CNTNAP2: variants seen among roughly 807,000 people sequenced by gnomAD.
CNTNAP2 encodes contactin-associated protein-like 2.
Under a neutral mutation model 155.2 loss-of-function variants are expected in CNTNAP2, and 98 were observed. The ratio of observed to expected loss-of-function variants is 0.63; its 90% CI spans 0.54 to 0.75. The LOEUF is 0.75. Ranked by LOEUF, CNTNAP2 falls within the 30% of genes least tolerant of loss-of-function variation. CNTNAP2 has a pLI of 0.00. For synonymous variants in CNTNAP2, 651 were observed against 631.2 expected, an observed-to-expected ratio of 1.03 and a Z score of -0.47; for missense variants, 1,727 against 1,688.1, an observed-to-expected ratio of 1.02 and a Z score of -0.40.
chr7:147,393,372 C>G (rs1029663081), intron 9 of CNTNAP2, among the ~76,000 whole-genome samples: 1 of 151,482 alleles, frequency 6.6e-6, no homozygotes, highest in Admixed American at 6.6e-5. Context: ...TTGTAGTAAT[C>G]GGTATTTATG....
chr7:148,127,642 A>C (rs1317252412), intron 16 of CNTNAP2, among the ~76,000 whole-genome samples: 1 of 152,236 alleles, frequency 6.6e-6, no homozygotes, highest in African/African-American at 2.4e-5. Flanking sequence ...TGCAATATAC[A>C]GAAACTGATG....
At chr7:146,475,326 T>G (rs947357918) in intron 1 of CNTNAP2, among the ~76,000 whole-genome samples, 3 of 152,194 alleles carry the variant, frequency 2.0e-5, no homozygotes, top group Middle Eastern at 6.8e-3. Flanking sequence ...AAGATATGAA[T>G]TGGTAGAACA....
At chr7:146,501,051 G>A (rs1027297350) in intron 1 of CNTNAP2, among the ~76,000 whole-genome samples, 1 of 151,196 alleles carries the variant, frequency 6.6e-6, no homozygotes, top group Non-Finnish European at 1.5e-5. Context: ...AACTAATCTT[G>A]CATACTTGAT....
chr7:146,690,242 T>G (rs1800674644), intron 1 of CNTNAP2, among the ~76,000 whole-genome samples: 1 of 152,174 alleles, frequency 6.6e-6, no homozygotes, highest in Non-Finnish European at 1.5e-5. Flanking sequence ...CAAACTTTGC[T>G]GCTAGGCCTT....
chr7:147,532,712 G>T lies in CNTNAP2; in HGVS notation c.1778-29426G>T, dbSNP rs866293982. Among the ~76,000 whole-genome samples the T allele has an allele frequency of 1.2e-4, 18 of 152,316 alleles. No homozygotes were observed. The South Asian group carries it at 2.9e-3, about 25-fold the overall frequency. On this transcript the variant is annotated intron_variant, in intron 11 of 23. Transcript: ENST00000361727. Reference sequence around the variant, plus strand: ...TGACTGAGGAGGCCTCAGAATCATGGTGGAAGGTGAAAGACACTTCTTACG... The same window carrying T: ...TGACTGAGGAGGCCTCAGAATCATGTTGGAAGGTGAAAGACACTTCTTACG...
At chr7:147,123,402 C>T (rs35197113) in intron 6 of CNTNAP2, among the ~76,000 whole-genome samples, 11,017 of 152,290 alleles carry the variant, frequency 0.072, 514 homozygotes, top group Non-Finnish European at 0.11. Context: ...GAGTGTGTGA[C>T]GAAGTCTATG....
chr7:146,941,345 T>C (rs1027605723), intron 3 of CNTNAP2, among the ~76,000 whole-genome samples: 1 of 152,140 alleles, frequency 6.6e-6, no homozygotes, highest in Non-Finnish European at 1.5e-5. Context: ...AAAAGCAACT[T>C]ATCTTTGATC....
intron 13 of CNTNAP2, among the ~76,000 whole-genome samples, chr7:147,663,629 G>T (rs1795650696): frequency 6.6e-6 from 1 of 152,224 alleles, no homozygotes; most frequent in African/African-American, 2.4e-5. Flanking sequence ...ATTGTTTTCA[G>T]TTATGTTTCC....
chr7:146,970,458 A>G (rs1158911311), intron 3 of CNTNAP2, among the ~76,000 whole-genome samples: 3 of 152,206 alleles, frequency 2.0e-5, no homozygotes, highest in African/African-American at 7.2e-5. Flanking sequence ...ATACATGAAA[A>G]AATGCTCACC....
At chr7:146,332,821 T>A (rs969808515) in intron 1 of CNTNAP2, among the ~76,000 whole-genome samples, 1 of 152,114 alleles carries the variant, frequency 6.6e-6, no homozygotes, top group Admixed American at 6.6e-5. Flanking sequence ...GTGAAACATA[T>A]CCCTAACCCA....
intron 10 of CNTNAP2, among the ~76,000 whole-genome samples, chr7:147,454,990 G>A (rs1005319702): frequency 5.3e-5 from 8 of 152,146 alleles, no homozygotes; most frequent in Admixed American, 3.3e-4. Context: ...AAGAGCTGGC[G>A]GTATGCCCCA....
At chr7:147,123,884 A>C (rs929061173) in intron 6 of CNTNAP2, among the ~76,000 whole-genome samples, 1 of 152,066 alleles carries the variant, frequency 6.6e-6, no homozygotes, top group Admixed American at 6.6e-5. Flanking sequence ...TCCACTAAAA[A>C]TACAAAAATT....
chr7:146,340,993 C>CT (rs1416752927), intron 1 of CNTNAP2, among the ~76,000 whole-genome samples: 1 of 152,012 alleles, frequency 6.6e-6, no homozygotes, highest in African/African-American at 2.4e-5. Context: ...ATTGAAATTC[C>CT]TTTTATCAGC....
chr7:148,032,661 G>A (rs1034532743), intron 15 of CNTNAP2, among the ~76,000 whole-genome samples: 2 of 152,152 alleles, frequency 1.3e-5, no homozygotes, highest in African/African-American at 4.8e-5. Flanking sequence ...CACTTGTTCA[G>A]AGGATTTCTG....
chr7:146,677,589 C>A (rs1800423868), intron 1 of CNTNAP2, among the ~76,000 whole-genome samples: 1 of 152,016 alleles, frequency 6.6e-6, no homozygotes, highest in African/African-American at 2.4e-5. Flanking sequence ...CCCACAGTGC[C>A]CTCCCTCTCT....
chr7:147,925,253 CT>C (rs1355022846), intron 14 of CNTNAP2, among the ~76,000 whole-genome samples: 1 of 150,728 alleles, frequency 6.6e-6, no homozygotes, highest in African/African-American at 2.4e-5. Context: ...CCCCTACCCC[CT>C]ACACATATAA....
At chr7:147,280,484 A>G (rs1805010344) in intron 8 of CNTNAP2, among the ~76,000 whole-genome samples, 1 of 151,904 alleles carries the variant, frequency 6.6e-6, no homozygotes, top group Non-Finnish European at 1.5e-5. Flanking sequence ...TTTCTCAGAG[A>G]ATAATGATGT....
chr7:148,200,214 A>G lies in CNTNAP2; in HGVS notation c.3011-17074A>G, dbSNP rs184764434. 3.6e-3 allele frequency among the ~76,000 whole-genome samples: 555 copies of G among 152,338 alleles called. 4 individuals are homozygous for G. Among genetic ancestry groups the G allele is most frequent in the African/African-American group, 0.013 (521 of 41,586 alleles). ...TCAGGCCAGCCACATTGACACACGA[A>G]ATTAACCATCACAATGTAAAATGTC... On this transcript the variant is annotated intron_variant, in intron 18 of 23. Coordinates refer to ENST00000361727, the MANE Select transcript of CNTNAP2 (RefSeq NM_014141.6).
intron 13 of CNTNAP2, among the ~76,000 whole-genome samples, chr7:147,785,169 A>G (rs533368288): frequency 6.6e-6 from 1 of 152,306 alleles, no homozygotes; most frequent in African/African-American, 2.4e-5. Context: ...CAGTTGATGG[A>G]AACCTGGGTG....
Sources: gnomAD v4.1 joint callset for allele counts (sites outside exome capture counted in the v4.1 genomes callset) on GRCh38, gnomAD v4.1.1 for gene constraint, MANE v1.5 for transcripts, NCBI Gene and HGNC (gene_info 2026-07-23, HGNC 2026-07-21) for gene names.